The following CACNA1C variants were observed in gnomAD, a reference collection of about 807,000 sequenced individuals.
CACNA1C encodes calcium voltage-gated channel subunit alpha1 C, also known as voltage-dependent L-type calcium channel subunit alpha-1C.
Under a neutral mutation model 229.0 loss-of-function variants are expected in CACNA1C, and 30 were observed. That is an observed-to-expected ratio of 0.13 (90% CI 0.10 to 0.18). The LOEUF (loss-of-function observed/expected upper bound fraction) is 0.18. CACNA1C is among the 10% of genes least tolerant of loss of function. The pLI is 1.00. For missense variants in CACNA1C, 1,658 were observed against 2,845.0 expected, an observed-to-expected ratio of 0.58 and a Z score of 9.49; for synonymous variants, 1,114 against 1,132.5, an observed-to-expected ratio of 0.98 and a Z score of 0.33.
rs1291434702 is a variant in CACNA1C at position 2,108,924 on chromosome 12, TGACA to T, written c.50-6294_50-6291del. 6.6e-6 allele frequency among the ~76,000 whole-genome samples: 1 copy of T among 152,214 alleles called. No homozygotes were observed. The highest frequency in any genetic ancestry group is 1.5e-5 in the Non-Finnish European group (1 of 68,032). On this transcript the variant is annotated intron_variant, in intron 1 of 46. Transcript: ENST00000399655. This position sits in a 1 kb window ranked among gnomAD's most constrained non-coding sequence, Gnocchi z 5.3. ...CAGGCCCCTTGTCACTACAGCAAGA[TGACA>T]GACAGCAAGAGCCAAGTGGGCTTCT...
rs147494279 is a variant in CACNA1C at position 2,116,493 on chromosome 12, A to G, written c.371+948A>G. On this transcript the variant is annotated intron_variant, in intron 2 of 46. Coordinates refer to ENST00000399655, the MANE Select transcript of CACNA1C (RefSeq NM_000719.7). ...CCATTGTCCTGCCTCAGCCTCCTGT[A>G]TAGCCGGGACCACAGGTGCCCGCCA... 4.9e-4 allele frequency among the ~76,000 whole-genome samples: 74 copies of G among 151,184 alleles called. No individual in the cohort carries two copies. In the East Asian group the frequency reaches 0.013, roughly 26 times the overall value.
intron 3 of CACNA1C, among the ~76,000 whole-genome samples, chr12:2,160,661 C>A (rs188686452): frequency 2.3e-3 from 350 of 152,320 alleles, no homozygotes; most frequent in Non-Finnish European, 3.0e-3. Flanking sequence ...TCATAACAGG[C>A]ATAATGGTGG....
chr12:2,402,310 C>T (rs1470051417), intron 3 of CACNA1C, among the ~76,000 whole-genome samples: 1 of 152,250 alleles, frequency 6.6e-6, no homozygotes, highest in Non-Finnish European at 1.5e-5. Flanking sequence ...AGTTGAGCGC[C>T]ACGTGCAACG....
rs904001298 is a variant in CACNA1C, at chr12:2,479,107, C to T, written c.758-6997C>T. Among the ~76,000 whole-genome samples, 2 of 151,880 alleles carry T rather than the reference C, an allele frequency of 1.3e-5. No individual in the cohort carries two copies. Among genetic ancestry groups the T allele is most frequent in the Non-Finnish European group, 1.5e-5 (1 of 67,988 alleles). On this transcript the variant is annotated intron_variant, in intron 5 of 46. Coordinates refer to ENST00000399655, the MANE Select transcript of CACNA1C (RefSeq NM_000719.7). The surrounding 1 kb of genome is among the most constrained non-coding windows in gnomAD (Gnocchi z 4.3). ...TTTCTTAGAATCTGCATCGCAAATC[C>T]AAGGATAGTGAGGTTCAAGGGCAGT...
chr12:2,689,499 G>A lies in CACNA1C; in HGVS notation c.6117+720G>A, dbSNP rs1025632515. Among the ~76,000 whole-genome samples the A allele has an allele frequency of 2.0e-5, 3 of 152,000 alleles. No homozygotes were observed. The highest frequency in any genetic ancestry group is 6.5e-5 in the Admixed American group (1 of 15,268). On this transcript the variant is annotated intron_variant, in intron 46 of 46. Transcript: ENST00000399655. This position sits in a 1 kb window ranked among gnomAD's most constrained non-coding sequence, Gnocchi z 4.2. ...AGGGTGGCAGGCTCAGCCCACCAGC[G>A]GACAGATTTCAGCTCACATGGGGAA...
chr12:2,223,045 G>A (rs762329017), intron 3 of CACNA1C, among the ~76,000 whole-genome samples: 2 of 152,088 alleles, frequency 1.3e-5, no homozygotes, highest in Admixed American at 6.5e-5. Context: ...GAATGGACAC[G>A]CACATAAATG....
In CACNA1C at chr12:2,468,713, G is replaced by A. The variant is rs907403026; in HGVS notation, c.757+11007G>A. ...GCCCCTTGGGTGGCAGGACCTGATG[G>A]CAAATAGTATTGTTGTCACCTCAGG... is the stretch of plus-strand genomic sequence containing the variant. On this transcript the variant is annotated intron_variant, in intron 5 of 46. Transcript: ENST00000399655. Among the ~76,000 whole-genome samples the A allele has an allele frequency of 2.0e-5, 3 of 152,218 alleles. No individual in the cohort carries two copies. The South Asian group carries it at 6.2e-4, about 32-fold the overall frequency.
intron 20 of CACNA1C, among the ~76,000 whole-genome samples, chr12:2,596,935 C>G (rs889672441): frequency 4.6e-5 from 7 of 152,148 alleles, no homozygotes; most frequent in Middle Eastern, 3.2e-3. Context: ...AAGCATCCAA[C>G]CAGATGCTGC....
At chr12:2,253,796 C>T (rs1386685207) in intron 3 of CACNA1C, among the ~76,000 whole-genome samples, 1 of 152,224 alleles carries the variant, frequency 6.6e-6, no homozygotes, top group Non-Finnish European at 1.5e-5. Context: ...AAGTATGCCT[C>T]TCATGTTGCA....
At chr12:2,498,560 C>T (rs554145991) in intron 7 of CACNA1C, among the ~76,000 whole-genome samples, 4 of 152,276 alleles carry the variant, frequency 2.6e-5, no homozygotes, top group Admixed American at 6.5e-5. Context: ...TTTCCTGGGA[C>T]GAGGGATGTG....
At chr12:2,237,250 T>C (rs2067777841) in intron 3 of CACNA1C, among the ~76,000 whole-genome samples, 1 of 152,232 alleles carries the variant, frequency 6.6e-6, no homozygotes, top group South Asian at 2.1e-4. Flanking sequence ...AGCAACCTGT[T>C]ATCTCTTCTC....
chr12:2,265,463 G>A (rs2082015560), intron 3 of CACNA1C, among the ~76,000 whole-genome samples: 1 of 152,180 alleles, frequency 6.6e-6, no homozygotes, highest in Non-Finnish European at 1.5e-5. Context: ...CCTTACTGCA[G>A]AGTGGGGGGC....
At chr12:2,198,567 A>C (rs2097489146) in intron 3 of CACNA1C, among the ~76,000 whole-genome samples, 2 of 152,224 alleles carry the variant, frequency 1.3e-5, no homozygotes, top group Non-Finnish European at 2.9e-5. Context: ...ATTTTAAAAA[A>C]CAGAAATTGA....
chr12:2,412,518 C>T (rs954880182), intron 3 of CACNA1C, among the ~76,000 whole-genome samples: 3 of 152,234 alleles, frequency 2.0e-5, no homozygotes, highest in Non-Finnish European at 4.4e-5. Context: ...GCCAGAGGCT[C>T]ACACTGTATG....
At chr12:2,076,242 C>T (rs771436876) in intron 1 of CACNA1C, among the ~76,000 whole-genome samples, 1 of 152,184 alleles carries the variant, frequency 6.6e-6, no homozygotes, top group Non-Finnish European at 1.5e-5. Context: ...CTCTCTGCAA[C>T]CCACCCGCAG....
chr12:2,264,228 A>T (rs2081431950), intron 3 of CACNA1C, among the ~76,000 whole-genome samples: 2 of 152,166 alleles, frequency 1.3e-5, no homozygotes, highest in African/African-American at 4.8e-5. Flanking sequence ...AAGCCTGGGG[A>T]TGCCTCTGCA....
intron 10 of CACNA1C, chr12:2,550,703 G>A (rs1170018884): frequency 1.5e-6 from 2 of 1,301,716 alleles, no homozygotes; most frequent in Non-Finnish European, 2.0e-6. Flanking sequence ...GGGGGGCGGG[G>A]CAGGGCGGCA....
intron 5 of CACNA1C, among the ~76,000 whole-genome samples, chr12:2,458,183 C>T (rs147501249): frequency 1.3e-3 from 198 of 152,378 alleles, no homozygotes; most frequent in Non-Finnish European, 2.4e-3. Flanking sequence ...CTCCTCCCTT[C>T]CTGTCAAATG....
rs2095249384 is a variant in CACNA1C at position 2,653,690 on chromosome 12, TC to T, written c.4075-143del. 2.1e-5 allele frequency: 14 copies of T among 679,046 alleles called. No homozygotes were observed. The East Asian group carries it at 3.8e-4, about 18-fold the overall frequency. The allele number at this position is 679,046 out of a possible 1,614,324, so 42.1% of individuals were successfully genotyped here. ...AGACCTTCTCGCAGGTTCCCCGTAGTCCTGTGGGACTCTTGGAAGTGTCCCC... is the reference window on the plus strand; with the variant it reads ...AGACCTTCTCGCAGGTTCCCCGTAGTCTGTGGGACTCTTGGAAGTGTCCCC... On this transcript the variant is annotated intron_variant, in intron 32 of 46. Transcript: ENST00000399655. The surrounding 1 kb of genome is among the most constrained non-coding windows in gnomAD (Gnocchi z 4.7).
Sources: gnomAD v4.1 joint callset for allele counts (sites outside exome capture counted in the v4.1 genomes callset) on GRCh38, gnomAD v4.1.1 for gene constraint, Gnocchi (gnomAD v3.1) non-coding constraint, MANE v1.5 for transcripts, NCBI Gene and HGNC (gene_info 2026-07-23, HGNC 2026-07-21) for gene names.